Variants in MTMR3 observed in about 807,000 individuals in gnomAD.
MTMR3 encodes myotubularin related protein 3, also known as phosphatidylinositol-3,5-bisphosphate 3-phosphatase MTMR3.
A neutral mutation model predicts 132.4 loss-of-function variants in MTMR3; 32 were observed. The observed-to-expected ratio is 0.24, with a 90% CI of 0.18 to 0.32. MTMR3 has a LOEUF of 0.32. Among genes scored for constraint, MTMR3 ranks in the 10% least tolerant of loss-of-function variants. The pLI is 1.00. For missense variants in MTMR3, 1,216 were observed against 1,489.6 expected, an observed-to-expected ratio of 0.82 and a Z score of 3.02; for synonymous variants, 556 against 550.3, an observed-to-expected ratio of 1.01 and a Z score of -0.14.
intron 9 of MTMR3, chr22:30,004,421 C>T (rs1186355621): frequency 6.6e-6 from 1 of 152,132 alleles, no homozygotes; most frequent in Non-Finnish European, 1.5e-5. Context: ...TAGGTGAATT[C>T]TCCCTTTGGG....
At chr22:29,905,945 C>T (rs1229527840) in intron 1 of MTMR3, among the ~76,000 whole-genome samples, 2 of 152,140 alleles carry the variant, frequency 1.3e-5, no homozygotes, top group Non-Finnish European at 1.5e-5. Context: ...ATTATATATC[C>T]TTCTACTGAC....
Position 29,978,968 on chromosome 22 carries a change from A to G in MTMR3, c.126A>G (p.Thr42=). 5 of 1,613,840 alleles carry G rather than the reference A, an allele frequency of 3.1e-6. No homozygotes were observed. Among genetic ancestry groups the G allele is most frequent in the Middle Eastern group, 3.3e-4 (2 of 6,062 alleles). ...TCCTTGAACTTCATGGAGAGAGCAC[A>G]GAGTTTGTGGGCCGTGCCGAGGATG... ...VPFLELHGES[T]EFVGRAEDAI... is the part of the protein sequence containing the mutation. Residue 42 remains threonine, a synonymous_variant, in exon 5 of 20, where the codon ACA becomes ACG. Coordinates refer to ENST00000401950, the MANE Select transcript of MTMR3 (RefSeq NM_021090.4).
Position 30,003,012 on chromosome 22 carries a change from G to T in MTMR3, c.671+19G>T. ...TCTACAGGTAAGTTAAACTGGACCA[G>T]TCCCAGCTTGGGCTGGTGCTGCTGC... On this transcript the variant is annotated intron_variant, in intron 9 of 19. Coordinates refer to ENST00000401950, the MANE Select transcript of MTMR3 (RefSeq NM_021090.4). The T allele has an allele frequency of 1.3e-6, 2 of 1,594,110 alleles. No homozygotes were observed. Among genetic ancestry groups the T allele is most frequent in the Non-Finnish European group, 1.7e-6 (2 of 1,161,926 alleles).
At chr22:30,010,419 A>G (rs1020492008) in intron 12 of MTMR3, 2 of 152,252 alleles carry the variant, frequency 1.3e-5, no homozygotes, top group African/African-American at 4.8e-5. Flanking sequence ...GCTTTTATGT[A>G]TTTGGCAGCA....
Position 30,018,395 on chromosome 22 carries a change from G to A in MTMR3, c.1820+323G>A, listed in dbSNP as rs553472093. On this transcript the variant is annotated intron_variant, in intron 16 of 19. Coordinates refer to ENST00000401950, the MANE Select transcript of MTMR3 (RefSeq NM_021090.4). ...CAGTGCTCTGTGCTCCTGCCTATTT[G>A]CCATGATTTGTCTTCTGAGGCTTAA... The A allele has an allele frequency of 1.3e-5, 3 of 236,902 alleles. No individual in the cohort carries two copies. In the East Asian group the frequency reaches 2.7e-4, roughly 22 times the overall value. The allele number at this position is 236,902 out of a possible 1,614,324, so 14.7% of individuals were successfully genotyped here. A position where few individuals can be genotyped will look rare whatever the true frequency, so the allele number is the denominator to read the frequency against.
At chr22:29,923,866 C>G (rs961065299) in intron 1 of MTMR3, among the ~76,000 whole-genome samples, 2 of 152,246 alleles carry the variant, frequency 1.3e-5, no homozygotes, top group African/African-American at 4.8e-5. Flanking sequence ...CCAAAAAGCC[C>G]ATATTCAAAG....
chr22:29,940,513 G>T (rs576368898), intron 1 of MTMR3, among the ~76,000 whole-genome samples: 1 of 150,062 alleles, frequency 6.7e-6, no homozygotes, highest in Admixed American at 6.6e-5. Flanking sequence ...ACACGGATGC[G>T]TGTGACAATG....
chr22:30,022,063 A>C lies in MTMR3; in HGVS notation c.3260A>C (p.Gln1087Pro). 1 of 1,614,246 alleles carries C rather than the reference A, an allele frequency of 6.2e-7. No homozygotes were observed. The highest frequency in any genetic ancestry group is 8.5e-7 in the Non-Finnish European group (1 of 1,180,038). The change falls in exon 18 of 20, where the codon CAG becomes CCG. Residue 1087 changes from glutamine to proline, a missense_variant. Gln to Pro is a moderately conservative substitution (Grantham distance 76). This residue lies in a region of MTMR3 where 852 missense variants were observed against 852.0 expected (regional missense o/e 1.00). Coordinates refer to ENST00000401950, the MANE Select transcript of MTMR3 (RefSeq NM_021090.4). Reference sequence around the variant, plus strand: ...CCCGACTCGGAAAGCAATCTGGATCAGAACTGTTTGTCTCGCTGCAGCACA... The same window carrying C: ...CCCGACTCGGAAAGCAATCTGGATCCGAACTGTTTGTCTCGCTGCAGCACA... ...SIPDSESNLD[Q>P]NCLSRCSTEI...
intron 2 of MTMR3, among the ~76,000 whole-genome samples, chr22:29,966,414 C>T (rs1473975867): frequency 2.0e-5 from 3 of 152,108 alleles, no homozygotes; most frequent in Non-Finnish European, 4.4e-5. Flanking sequence ...TCTCTTAATT[C>T]TGTAGGTTTC....
At chr22:29,971,464 A>ATTTT (rs1217373700) in intron 3 of MTMR3, among the ~76,000 whole-genome samples, 2 of 152,128 alleles carry the variant, frequency 1.3e-5, no homozygotes, top group African/African-American at 4.8e-5. Flanking sequence ...TTACTTAAAA[A>ATTTT]TTTTTTTAAA....
In MTMR3 at chr22:30,019,854, C is replaced by T. The variant is rs762907495; in HGVS notation, c.2195C>T (p.Pro732Leu). Reference sequence around the variant, plus strand: ...GAAAAGGAGAGCAGGAGGAAGACACCTGAGGCCTCAGCCATTGGACTTCAC... The same window carrying T: ...GAAAAGGAGAGCAGGAGGAAGACACTTGAGGCCTCAGCCATTGGACTTCAC... Reference protein sequence around the residue: ...LLEKESRRKTPEASAIGLHQD... With the variant: ...LLEKESRRKTLEASAIGLHQD... Residue 732 changes from proline (P) to leucine (L), a missense_variant, in exon 17 of 20, where the codon CCT becomes CTT. Pro to Leu is a moderately conservative substitution (Grantham distance 98, BLOSUM62 -3). Coordinates refer to ENST00000401950, the MANE Select transcript of MTMR3 (RefSeq NM_021090.4). 1.2e-6 allele frequency: 2 copies of T among 1,614,062 alleles called. No individual in the cohort carries two copies. The highest frequency in any genetic ancestry group is 1.3e-5 in the African/African-American group (1 of 74,930).
At chr22:30,010,769 TC>T (rs1170989318) in intron 12 of MTMR3, 1 of 152,238 alleles carries the variant, frequency 6.6e-6, no homozygotes, top group Non-Finnish European at 1.5e-5. Flanking sequence ...CTAAGCCTTA[TC>T]TTTTAGTTCC....
Position 29,971,780 on chromosome 22 carries a change from C to G in MTMR3, c.3+718C>G, listed in dbSNP as rs550178868. Among the ~76,000 whole-genome samples, 6 of 152,124 alleles carry G rather than the reference C, an allele frequency of 3.9e-5. No individual in the cohort carries two copies. The South Asian group carries it at 1.2e-3, about 32-fold the overall frequency. ...AGCTCAAGCAGAGAAGATGGAGCAACAAGCCAGCCACATTTTCATCAATCC... is the reference window on the plus strand; with the variant it reads ...AGCTCAAGCAGAGAAGATGGAGCAAGAAGCCAGCCACATTTTCATCAATCC... On this transcript the variant is annotated intron_variant, in intron 3 of 19. Transcript: ENST00000401950.
At chr22:29,954,844 A>G (rs2066157194) in intron 1 of MTMR3, among the ~76,000 whole-genome samples, 1 of 152,202 alleles carries the variant, frequency 6.6e-6, no homozygotes, top group Non-Finnish European at 1.5e-5. Flanking sequence ...TGTTAAAGCC[A>G]GCATATCATA....
At chr22:30,019,364 C>A in intron 16 of MTMR3, 116 bp from the exon 17 acceptor site, 1 of 944,684 alleles carries the variant, frequency 1.1e-6, no homozygotes, top group Non-Finnish European at 1.6e-6. Context: ...GCTACAGCTC[C>A]ATGAGTAGCC....
At chr22:30,019,358 C>T (rs989412103) in intron 16 of MTMR3, 122 bp from the exon 17 acceptor site, 2 of 898,652 alleles carry the variant, frequency 2.2e-6, no homozygotes, top group South Asian at 1.7e-5. Flanking sequence ...AGAGATGCTA[C>T]AGCTCCATGA....
intron 9 of MTMR3, chr22:30,004,264 T>C (rs979895435): frequency 3.3e-5 from 5 of 152,224 alleles, no homozygotes; most frequent in African/African-American, 9.6e-5. Flanking sequence ...ATGAGTCTTA[T>C]CAATGATCAG....
chr22:29,972,781 G>A (rs1375649081), intron 3 of MTMR3, among the ~76,000 whole-genome samples: 1 of 152,190 alleles, frequency 6.6e-6, no homozygotes, highest in Non-Finnish European at 1.5e-5. Context: ...ATGTTGGCCA[G>A]GCTGGTCTCG....
chr22:29,906,181 T>C (rs746240977), intron 1 of MTMR3, among the ~76,000 whole-genome samples: 24 of 152,298 alleles, frequency 1.6e-4, no homozygotes, highest in Middle Eastern at 6.8e-3. Context: ...GGAAAAACTT[T>C]GGTGTCTTCT....
Sources: allele counts gnomAD v4.1 joint callset (sites outside exome capture counted in the v4.1 genomes callset), GRCh38; gene constraint gnomAD v4.1.1; regional missense constraint gnomAD v4.1.1; transcripts MANE v1.5; gene names NCBI Gene and HGNC (gene_info 2026-07-23, HGNC 2026-07-21).